MAGI1: variants seen among roughly 807,000 people sequenced by gnomAD.
MAGI1 encodes the protein membrane-associated guanylate kinase, WW and PDZ domain-containing protein 1.
In MAGI1, 58 loss-of-function variants were observed where a neutral mutation model predicts 139.9. The ratio of observed to expected loss-of-function variants is 0.41; its 90% CI spans 0.34 to 0.52. The LOEUF (loss-of-function observed/expected upper bound fraction) is 0.52, where lower values mean the gene tolerates loss of function less well. Among genes scored for constraint, MAGI1 ranks in the 20% least tolerant of loss-of-function variants. MAGI1 has a pLI of 0.12. For synonymous variants in MAGI1, 812 were observed against 737.9 expected (o/e 1.10, Z -1.63); for missense variants, 1,874 against 1,901.6 (o/e 0.99, Z 0.27).
chr3:65,914,741 A>C (rs1235814511), intron 1 of MAGI1, among the ~76,000 whole-genome samples: 1 of 152,202 alleles, frequency 6.6e-6, no homozygotes, highest in East Asian at 1.9e-4. Context: ...AAATGTGCCA[A>C]ACAAATTTGC....
intron 1 of MAGI1, among the ~76,000 whole-genome samples, chr3:65,886,751 G>C (rs2060547581): frequency 6.6e-6 from 1 of 152,190 alleles, no homozygotes; most frequent in Admixed American, 6.5e-5. Context: ...TACATGGCTA[G>C]ACCGTTACAT....
At chr3:65,975,509 A>C (rs115588455) in intron 1 of MAGI1, among the ~76,000 whole-genome samples, 1,904 of 152,240 alleles carry the variant, frequency 0.013, 34 homozygotes, top group African/African-American at 0.034. Context: ...TAATCCCAGC[A>C]CTTTGGAAGG....
At chr3:65,672,516 T>G (rs2086925025) in intron 1 of MAGI1, among the ~76,000 whole-genome samples, 1 of 152,128 alleles carries the variant, frequency 6.6e-6, no homozygotes, top group Admixed American at 6.6e-5. Context: ...ATGAAAATGA[T>G]TACATTTGAA....
chr3:65,423,887 C>T (rs1191621464), intron 12 of MAGI1, among the ~76,000 whole-genome samples: 1 of 152,178 alleles, frequency 6.6e-6, no homozygotes, highest in Non-Finnish European at 1.5e-5. Context: ...GTTTTCCCAA[C>T]TAAAACAGAA....
intron 1 of MAGI1, among the ~76,000 whole-genome samples, chr3:65,721,242 G>A (rs1345377242): frequency 1.3e-5 from 2 of 152,114 alleles, no homozygotes; most frequent in Non-Finnish European, 2.9e-5. Context: ...TACATATTTT[G>A]TTACTTCCCT....
At chr3:65,493,728 G>T in intron 2 of MAGI1, 97 bp from the exon 3 acceptor site, 1 of 1,425,212 alleles carries the variant, frequency 7.0e-7, no homozygotes, top group Non-Finnish European at 9.6e-7. Flanking sequence ...TCAGTAAGAG[G>T]GCGTACCTAA....
intron 1 of MAGI1, among the ~76,000 whole-genome samples, chr3:65,748,383 A>G (rs559383073): frequency 3.7e-4 from 57 of 152,274 alleles, no homozygotes; most frequent in African/African-American, 1.4e-3. Context: ...TCTTTTGGGG[A>G]TGATTAATGC....
intron 18 of MAGI1, among the ~76,000 whole-genome samples, chr3:65,373,550 C>G (rs1942202629): frequency 6.6e-6 from 1 of 152,174 alleles, no homozygotes; most frequent in Non-Finnish European, 1.5e-5. Flanking sequence ...AGGGTGGCCA[C>G]AAACCTTCAA....
intron 1 of MAGI1, among the ~76,000 whole-genome samples, chr3:65,690,541 A>G (rs949924735): frequency 1.3e-5 from 2 of 151,972 alleles, no homozygotes; most frequent in African/African-American, 2.4e-5. Context: ...CAGTGTCACA[A>G]TCTCGATTCA....
intron 2 of MAGI1, among the ~76,000 whole-genome samples, chr3:65,549,063 C>A (rs939828481): frequency 2.0e-5 from 3 of 152,078 alleles, no homozygotes; most frequent in Non-Finnish European, 4.4e-5. Flanking sequence ...CCTGCCCTGG[C>A]GCCGCAGCCA....
chr3:66,007,252 G>A (rs913988474), intron 1 of MAGI1, among the ~76,000 whole-genome samples: 8 of 152,130 alleles, frequency 5.3e-5, no homozygotes, highest in African/African-American at 9.7e-5. Flanking sequence ...GACCTGCCTC[G>A]GTAGAACTTT....
chr3:65,394,859 C>T (rs1046635412), intron 13 of MAGI1, among the ~76,000 whole-genome samples: 13 of 152,140 alleles, frequency 8.5e-5, no homozygotes, highest in African/African-American at 2.2e-4. Flanking sequence ...CATGAGAATA[C>T]GTTCACTTCT....
At chr3:65,460,981 C>T (rs1243718445) in intron 5 of MAGI1, among the ~76,000 whole-genome samples, 2 of 152,176 alleles carry the variant, frequency 1.3e-5, no homozygotes, top group East Asian at 1.9e-4. Flanking sequence ...CAAGTCTTTG[C>T]TATTGTGAAT....
At chr3:65,500,651 C>A (rs1442457408) in intron 2 of MAGI1, among the ~76,000 whole-genome samples, 2 of 152,174 alleles carry the variant, frequency 1.3e-5, no homozygotes, top group Admixed American at 6.5e-5. Context: ...TTCTGATAAG[C>A]CATTTCCCAC....
chr3:65,356,304 CTA>C lies in MAGI1; in HGVS notation c.*72_*73del, dbSNP rs1940189404. 1 of 1,444,100 alleles carries C rather than the reference CTA, an allele frequency of 6.9e-7. No individual in the cohort carries two copies. The highest frequency in any genetic ancestry group is 2.5e-5 in the Admixed American group (1 of 40,734). The allele number at this position is 1,444,100 out of a possible 1,614,324, so 89.5% of individuals were successfully genotyped here. A position where few individuals can be genotyped will look rare whatever the true frequency, so the allele number is the denominator to read the frequency against. On this transcript the variant is annotated 3_prime_UTR_variant, in exon 23 of 23. Transcript: ENST00000402939. ...GTCAGATGCTTCATTAGGTAAGAAA[CTA>C]AATAATTTCAGGTTTGTGACTTTCC...
intron 1 of MAGI1, among the ~76,000 whole-genome samples, chr3:65,967,631 G>A (rs1251657888): frequency 6.6e-6 from 1 of 152,222 alleles, no homozygotes; most frequent in Non-Finnish European, 1.5e-5. Flanking sequence ...TAATGGAAAT[G>A]CCAGGCCAAA....
intron 1 of MAGI1, among the ~76,000 whole-genome samples, chr3:65,930,234 TG>T (rs2062736577): frequency 7.2e-6 from 1 of 138,960 alleles, no homozygotes; most frequent in Non-Finnish European, 1.5e-5. Flanking sequence ...GAGAATGACG[TG>T]AACCCGGGAG....
chr3:65,359,657 T>C, intron 22 of MAGI1: 1 of 989,284 alleles, frequency 1.0e-6, no homozygotes. Flanking sequence ...CTCTAATCAA[T>C]GGAATTAGAG....
chr3:66,017,501 G>T (rs73833347), intron 1 of MAGI1, among the ~76,000 whole-genome samples: 1,896 of 152,252 alleles, frequency 0.012, 47 homozygotes, highest in African/African-American at 0.043. Context: ...CTGTCACCAG[G>T]CAACAATGCA....
Sources: gnomAD v4.1 joint callset for allele counts (sites outside exome capture counted in the v4.1 genomes callset) on GRCh38, gnomAD v4.1.1 for gene constraint, MANE v1.5 for transcripts, NCBI Gene and HGNC (gene_info 2026-07-23, HGNC 2026-07-21) for gene names.